QTGAL: variants seen among roughly 807,000 people sequenced by gnomAD.
QTGAL encodes the protein BGnT-like protein 1.
At chr17:83,048,779 T>G in the QTGAL span, 2 of 1,612,254 alleles carry the variant, frequency 1.2e-6, no homozygotes, top group Admixed American at 1.7e-5. Flanking sequence ...ACTGGGAGGA[T>G]AATAGACTGG....
the QTGAL span, chr17:82,947,655 T>C: frequency 6.6e-6 from 1 of 152,350 alleles, no homozygotes; most frequent in East Asian, 1.9e-4. Context: ...CTCTGGCCTC[T>C]GGCAGGACAG....
At chr17:82,956,882 G>A in the QTGAL span, 1 of 1,279,598 alleles carries the variant, frequency 7.8e-7, no homozygotes, top group Non-Finnish European at 1.1e-6. This position sits in a 1 kb window ranked among gnomAD's most constrained non-coding sequence, Gnocchi z 5.7. Flanking sequence ...CAGGGCTTGG[G>A]CAGCAGATAA....
At chr17:83,035,826 G>A in the QTGAL span, among the ~76,000 whole-genome samples, 1 of 152,072 alleles carries the variant, frequency 6.6e-6, no homozygotes, top group Admixed American at 6.6e-5. Context: ...CATGTGTGAC[G>A]GGCTGGTGGA....
chr17:83,020,782 G>A, the QTGAL span, among the ~76,000 whole-genome samples: 13 of 152,262 alleles, frequency 8.5e-5, no homozygotes, highest in African/African-American at 3.1e-4. Flanking sequence ...GGGCTGGAAG[G>A]AAACACGGGG....
At chr17:82,970,581 C>CCGCGACCTCCCCACCCGGCGTGGA in the QTGAL span, among the ~76,000 whole-genome samples, 1 of 122,346 alleles carries the variant, frequency 8.2e-6, no homozygotes, top group African/African-American at 4.9e-5. Context: ...CCCGGCGTGG[C>CCGCGACCTCCCCACCCGGCGTGGA]CGCGACCTCC....
the QTGAL span, among the ~76,000 whole-genome samples, chr17:82,983,195 G>T: frequency 5.3e-5 from 8 of 152,294 alleles, no homozygotes; most frequent in South Asian, 2.1e-4. Context: ...CAGGAGAATT[G>T]CTTGAACCCA....
chr17:82,948,822 G>T, the QTGAL span: 1 of 152,190 alleles, frequency 6.6e-6, no homozygotes, highest in Admixed American at 6.5e-5. Flanking sequence ...TTGTATCAAA[G>T]ATGTAATTAA....
chr17:83,035,195 TCGAGA>T, the QTGAL span: 1 of 1,075,784 alleles, frequency 9.3e-7, no homozygotes, highest in African/African-American at 1.7e-5. Context: ...TTTTTTTTTT[TCGAGA>T]TGGAGTTTCC....
the QTGAL span, chr17:83,048,977 G>T: frequency 1.8e-6 from 1 of 562,464 alleles, no homozygotes; most frequent in Non-Finnish European, 3.1e-6. Context: ...CCTTCTACAT[G>T]TTTTTGAAAG....
the QTGAL span, among the ~76,000 whole-genome samples, chr17:83,038,585 G>A: frequency 5.3e-5 from 8 of 152,140 alleles, no homozygotes; most frequent in Non-Finnish European, 1.0e-4. Context: ...TAGGCCGGGC[G>A]CAGTGTTTCA....
chr17:82,957,406 G>A, the QTGAL span: 4 of 1,612,994 alleles, frequency 2.5e-6, no homozygotes, highest in African/African-American at 5.3e-5. Flanking sequence ...CGGCGCCCCT[G>A]CTTGCCAGCG....
chr17:83,008,816 C>T, the QTGAL span, among the ~76,000 whole-genome samples: 13 of 151,528 alleles, frequency 8.6e-5, no homozygotes, highest in Non-Finnish European at 1.5e-4. Context: ...ATCCCTGCCG[C>T]CGAGCGAGTG....
the QTGAL span, among the ~76,000 whole-genome samples, chr17:82,973,107 C>A: frequency 6.6e-6 from 1 of 152,232 alleles, no homozygotes; most frequent in Non-Finnish European, 1.5e-5. Context: ...GGCCACCGCC[C>A]ACTCACAAGC....
chr17:83,040,201 C>G, the QTGAL span, among the ~76,000 whole-genome samples: 2 of 152,192 alleles, frequency 1.3e-5, no homozygotes, highest in Non-Finnish European at 2.9e-5. Context: ...TAGGGTGAGA[C>G]TCAGGCACTG....
At chr17:82,982,810 C>T in the QTGAL span, among the ~76,000 whole-genome samples, 12 of 152,140 alleles carry the variant, frequency 7.9e-5, no homozygotes, top group East Asian at 1.2e-3. Flanking sequence ...AACATGGGGA[C>T]GTCTCACAGA....
the QTGAL span, among the ~76,000 whole-genome samples, chr17:82,965,956 C>A: frequency 6.6e-6 from 1 of 152,164 alleles, no homozygotes; most frequent in Non-Finnish European, 1.5e-5. Context: ...ACGTGGCTGA[C>A]GTGTCCCTTC....
the QTGAL span, chr17:83,014,429 C>G: frequency 6.2e-7 from 1 of 1,607,860 alleles, no homozygotes; most frequent in Admixed American, 1.7e-5. Flanking sequence ...AAGGTAGTAA[C>G]GACACTAAGG....
At chr17:82,982,011 AGCGG>A in the QTGAL span, among the ~76,000 whole-genome samples, 1 of 151,666 alleles carries the variant, frequency 6.6e-6, no homozygotes, top group African/African-American at 2.4e-5. Flanking sequence ...TGATGGGCCG[AGCGG>A]GTGGAGGAGC....
chr17:82,950,244 C>T, the QTGAL span, among the ~76,000 whole-genome samples: 6 of 152,336 alleles, frequency 3.9e-5, no homozygotes, highest in African/African-American at 1.4e-4. Flanking sequence ...TTTTCCCATG[C>T]TCAGCCGGCT....
Sources: gnomAD v4.1 joint callset for allele counts (sites outside exome capture counted in the v4.1 genomes callset) on GRCh38, gnomAD v4.1.1 for gene constraint, Gnocchi (gnomAD v3.1) non-coding constraint, MANE v1.5 for transcripts, NCBI Gene and HGNC (gene_info 2026-07-23, HGNC 2026-07-21) for gene names.